The following ITCH variants were observed in gnomAD, a reference collection of about 807,000 sequenced individuals.
The protein encoded by ITCH is E3 ubiquitin-protein ligase Itchy homolog.
ITCH carries 28 observed loss-of-function variants against 126.8 expected under a neutral mutation model. That is an observed-to-expected ratio of 0.22 (90% CI 0.16 to 0.30). The LOEUF (loss-of-function observed/expected upper bound fraction) is 0.30. ITCH is among the 10% of genes least tolerant of loss of function. The probability of loss-of-function intolerance (pLI) is 1.00; values close to 1 mark genes in which losing one functional copy is unlikely to be tolerated. For missense variants in ITCH, 631 were observed against 1,032.4 expected, an observed-to-expected ratio of 0.61 and a Z score of 5.33; for synonymous variants, 342 against 340.0, an observed-to-expected ratio of 1.01 and a Z score of -0.06.
chr20:34,506,879 A>G (rs1990651522), intron 24 of ITCH, among the ~76,000 whole-genome samples: 1 of 152,106 alleles, frequency 6.6e-6, no homozygotes, highest in African/African-American at 2.4e-5. Flanking sequence ...ATTTTCATCC[A>G]TGTTGTAGCA....
intron 9 of ITCH, chr20:34,441,886 A>G (rs1983806082): frequency 6.0e-6 from 2 of 331,962 alleles, no homozygotes; most frequent in South Asian, 2.7e-5. Flanking sequence ...GCGCCTGGCC[A>G]TTTCTTTCCA....
At chr20:34,372,370 T>G (rs953321165) in intron 2 of ITCH, among the ~76,000 whole-genome samples, 10 of 140,682 alleles carry the variant, frequency 7.1e-5, no homozygotes, top group African/African-American at 2.6e-4. Flanking sequence ...GAAACCATGT[T>G]ATTTTAAGTT....
chr20:34,398,573 A>G (rs1214222914), intron 3 of ITCH, among the ~76,000 whole-genome samples: 1 of 151,568 alleles, frequency 6.6e-6, no homozygotes, highest in Non-Finnish European at 1.5e-5. Context: ...TAATTTTTGT[A>G]TTTTTAGTAA....
At chr20:34,408,375 A>T (rs1601829081) in intron 3 of ITCH, among the ~76,000 whole-genome samples, 1 of 152,146 alleles carries the variant, frequency 6.6e-6, no homozygotes, top group East Asian at 1.9e-4. Context: ...CACCTGGCCC[A>T]TATGTGTACT....
intron 16 of ITCH, among the ~76,000 whole-genome samples, chr20:34,473,027 C>T: frequency 6.6e-6 from 1 of 152,112 alleles, no homozygotes; most frequent in East Asian, 1.9e-4. Context: ...AAGTCTTTTG[C>T]AAAATAACTG....
intron 12 of ITCH, among the ~76,000 whole-genome samples, chr20:34,452,635 T>C (rs1985402162): frequency 6.6e-6 from 1 of 152,200 alleles, no homozygotes; most frequent in East Asian, 1.9e-4. Context: ...TTTTATATGC[T>C]GGGACTAGAC....
At chr20:34,469,560 G>T (rs890341804) in intron 14 of ITCH, among the ~76,000 whole-genome samples, 3 of 152,138 alleles carry the variant, frequency 2.0e-5, no homozygotes, top group Admixed American at 2.0e-4. Flanking sequence ...AAAGTGCTGG[G>T]ATTTATAGGT....
chr20:34,469,798 G>A (rs1419130668), intron 14 of ITCH, among the ~76,000 whole-genome samples: 1 of 152,104 alleles, frequency 6.6e-6, no homozygotes, highest in Non-Finnish European at 1.5e-5. Flanking sequence ...CTTAGATTTG[G>A]CAGCATAGAA....
chr20:34,456,654 A>G lies in ITCH; in HGVS notation c.1211-736A>G, dbSNP rs930947997. Among the ~76,000 whole-genome samples, 356 of 144,342 alleles carry G rather than the reference A, an allele frequency of 2.5e-3. 3 individuals are homozygous for G. Among genetic ancestry groups the G allele is most frequent in the East Asian group, 0.016 (78 of 4,852 alleles). 94.7% of individuals were successfully genotyped at this position (144,342 alleles called of 152,430 possible). A position where few individuals can be genotyped will look rare whatever the true frequency, so the allele number is the denominator to read the frequency against. On this transcript the variant is annotated intron_variant, in intron 12 of 24. Transcript: ENST00000374864. ...TCTCCAAAAAAAAAAATATATATAT[A>G]TATATGTGTGTGTGTGTGTATTTAT...
chr20:34,479,799 G>A lies in ITCH; in HGVS notation c.1818+10G>A. On this transcript the variant is annotated intron_variant, in intron 18 of 24. Coordinates refer to ENST00000374864, the MANE Select transcript of ITCH (RefSeq NM_031483.7). ...CAGATTTATTGCCATGGTAAGTGCA[G>A]GTCAAGAATTATGTTTACTTTGCTT... The A allele has an allele frequency of 6.2e-7, 1 of 1,611,776 alleles. No homozygotes were observed. Among genetic ancestry groups the A allele is most frequent in the Non-Finnish European group, 8.5e-7 (1 of 1,178,546 alleles).
intron 23 of ITCH, among the ~76,000 whole-genome samples, chr20:34,494,202 C>T (rs1989709366): frequency 6.6e-6 from 1 of 152,122 alleles, no homozygotes; most frequent in South Asian, 2.1e-4. Flanking sequence ...TGCACTCCAG[C>T]CTGGGAAACA....
At chr20:34,472,372 TAAAAAAA>T (rs527802058) in intron 16 of ITCH, among the ~76,000 whole-genome samples, 8 of 79,690 alleles carry the variant, frequency 1.0e-4, no homozygotes, top group Middle Eastern at 6.7e-3. Flanking sequence ...CATCTCAATT[TAAAAAAA>T]AAAAAAAAAA....
intron 3 of ITCH, among the ~76,000 whole-genome samples, chr20:34,400,994 A>C (rs1199631398): frequency 6.6e-6 from 1 of 152,018 alleles, no homozygotes; most frequent in Non-Finnish European, 1.5e-5. Flanking sequence ...CCTGACCTCA[A>C]GTGATTCACC....
At chr20:34,373,950 T>TA (rs2037739365) in intron 2 of ITCH, among the ~76,000 whole-genome samples, 1 of 152,002 alleles carries the variant, frequency 6.6e-6, no homozygotes, top group African/African-American at 2.4e-5. Flanking sequence ...AGTGGCACAG[T>TA]CTTGGCTGAC....
chr20:34,391,484 A>C (rs796736554), intron 2 of ITCH, among the ~76,000 whole-genome samples: 17 of 152,278 alleles, frequency 1.1e-4, no homozygotes, highest in African/African-American at 4.1e-4. Context: ...TCTCAATTTC[A>C]GTCATTAATA....
chr20:34,397,610 G>A (rs1287788557), intron 3 of ITCH, among the ~76,000 whole-genome samples: 1 of 152,110 alleles, frequency 6.6e-6, no homozygotes, highest in East Asian at 1.9e-4. Context: ...ACTGTCTTAA[G>A]GTAACCACAT....
At chr20:34,495,007 G>C (rs1329438368) in intron 23 of ITCH, among the ~76,000 whole-genome samples, 1 of 150,366 alleles carries the variant, frequency 6.7e-6, no homozygotes, top group African/African-American at 2.5e-5. Context: ...ATCCCAGCAC[G>C]TTGGGAGGCC....
intron 5 of ITCH, among the ~76,000 whole-genome samples, chr20:34,413,021 C>T (rs1436431280): frequency 9.9e-5 from 15 of 151,030 alleles, no homozygotes; most frequent in African/African-American, 3.4e-4. Context: ...TTGGGAGGGA[C>T]ATGGGGAGAC....
At chr20:34,445,205 A>C (rs999879931) in intron 10 of ITCH, 82 bp from the exon 11 acceptor site, 19 of 1,428,268 alleles carry the variant, frequency 1.3e-5, no homozygotes, top group Non-Finnish European at 1.7e-5. Flanking sequence ...AATCAAAAGT[A>C]GTTTCTCAAG....
Sources: gnomAD v4.1 joint callset for allele counts (sites outside exome capture counted in the v4.1 genomes callset) on GRCh38, gnomAD v4.1.1 for gene constraint, MANE v1.5 for transcripts, NCBI Gene and HGNC (gene_info 2026-07-23, HGNC 2026-07-21) for gene names.